PDE10A: variants seen among roughly 807,000 people sequenced by gnomAD.
PDE10A encodes phosphodiesterase 10A.
A neutral mutation model predicts 97.7 loss-of-function variants in PDE10A; 39 were observed. That is an observed-to-expected ratio of 0.40 (90% CI 0.31 to 0.52). The LOEUF is 0.52. Among genes scored for constraint, PDE10A ranks in the 20% least tolerant of loss-of-function variants. The probability of loss-of-function intolerance (pLI) is 0.56; values close to 1 mark genes in which losing one functional copy is unlikely to be tolerated. For synonymous variants in PDE10A, 371 were observed against 376.8 expected, an observed-to-expected ratio of 0.98 and a Z score of 0.18; for missense variants, 731 against 1,047.8, an observed-to-expected ratio of 0.70 and a Z score of 4.17.
At chr6:165,511,255 AT>A (rs1781490475) in intron 2 of PDE10A, among the ~76,000 whole-genome samples, 1 of 151,714 alleles carries the variant, frequency 6.6e-6, no homozygotes, top group Non-Finnish European at 1.5e-5. Context: ...AAATGTTTTG[AT>A]TTTCATATTA....
At chr6:165,478,409 G>A (rs1259161906) in intron 3 of PDE10A, among the ~76,000 whole-genome samples, 1 of 152,110 alleles carries the variant, frequency 6.6e-6, no homozygotes, top group East Asian at 1.9e-4. Context: ...TGATGGGGGG[G>A]AGGGGGTTGG....
chr6:165,650,434 T>A (rs1380066700), intron 1 of PDE10A, among the ~76,000 whole-genome samples: 3 of 152,136 alleles, frequency 2.0e-5, no homozygotes, highest in African/African-American at 7.2e-5. Context: ...TTCTTCCCAG[T>A]TTCTTTACGC....
chr6:165,369,674 A>G (rs1475375989), intron 18 of PDE10A, among the ~76,000 whole-genome samples: 1 of 140,230 alleles, frequency 7.1e-6, no homozygotes, highest in Non-Finnish European at 1.5e-5. Context: ...ATCCAGGAGA[A>G]CTTCCCCAAC....
At chr6:165,772,015 CTT>C (rs1326654469) in intron 1 of PDE10A, among the ~76,000 whole-genome samples, 1 of 152,206 alleles carries the variant, frequency 6.6e-6, no homozygotes, top group African/African-American at 2.4e-5. Context: ...GAAGGTCAGT[CTT>C]TTCACCGCCC....
At chr6:165,708,387 C>T (rs563051981) in intron 1 of PDE10A, among the ~76,000 whole-genome samples, 1 of 152,148 alleles carries the variant, frequency 6.6e-6, no homozygotes, top group Admixed American at 6.5e-5. Context: ...CCAGGAGGAC[C>T]CGTTCATGCA....
intron 1 of PDE10A, among the ~76,000 whole-genome samples, chr6:165,923,416 G>A (rs965896178): frequency 4.6e-5 from 7 of 152,204 alleles, no homozygotes; most frequent in Non-Finnish European, 7.3e-5. Context: ...CTACTAGAGA[G>A]ATACGTGTAC....
chr6:165,587,728 T>C (rs1419510367), intron 1 of PDE10A, among the ~76,000 whole-genome samples: 8 of 152,084 alleles, frequency 5.3e-5, no homozygotes, highest in Non-Finnish European at 2.9e-5. Context: ...TTTGGGAAAT[T>C]ACTGTTAAAA....
chr6:165,891,578 G>C (rs577040570), intron 1 of PDE10A, among the ~76,000 whole-genome samples: 1 of 152,052 alleles, frequency 6.6e-6, no homozygotes, highest in Non-Finnish European at 1.5e-5. Flanking sequence ...AGAGGATGCT[G>C]CCTGTCCCTG....
In PDE10A at chr6:165,601,202, A is replaced by T. The variant is rs1416634141; in HGVS notation, c.866-57634T>A. ...TTCCTTTTGCTGCCACCATGTAAGA[A>T]GTGTCTTTCACCTCCTGCCATGATT... On this transcript the variant is annotated intron_variant, in intron 1 of 21. Transcript: ENST00000539869. Among the ~76,000 whole-genome samples, 6 of 152,274 alleles carry T rather than the reference A, an allele frequency of 3.9e-5. No individual in the cohort carries two copies. The South Asian group carries it at 6.2e-4, about 16-fold the overall frequency.
intron 14 of PDE10A, 107 bp downstream of exon 14, chr6:165,396,210 G>A (rs750383619): frequency 1.8e-5 from 18 of 980,134 alleles, no homozygotes; most frequent in Non-Finnish European, 2.6e-5. Flanking sequence ...AACTCCACAT[G>A]TAATATGTGT....
At chr6:165,734,133 C>G (rs1792506351) in intron 1 of PDE10A, among the ~76,000 whole-genome samples, 1 of 152,224 alleles carries the variant, frequency 6.6e-6, no homozygotes, top group African/African-American at 2.4e-5. Context: ...AAAGGACCAT[C>G]TCTCCTCCTG....
At chr6:165,601,194 A>G (rs1165883874) in intron 1 of PDE10A, among the ~76,000 whole-genome samples, 1 of 152,162 alleles carries the variant, frequency 6.6e-6, no homozygotes, top group Non-Finnish European at 1.5e-5. Flanking sequence ...TGCTGCCACC[A>G]TGTAAGAAGT....
chr6:165,775,828 A>G (rs1778164134), intron 1 of PDE10A: 1 of 152,218 alleles, frequency 6.6e-6, no homozygotes, highest in Non-Finnish European at 1.5e-5. Flanking sequence ...AAAATACACA[A>G]TTAATTGATA....
chr6:165,568,185 G>C (rs1784881771), intron 1 of PDE10A, among the ~76,000 whole-genome samples: 3 of 151,900 alleles, frequency 2.0e-5, no homozygotes, highest in Admixed American at 2.0e-4. Flanking sequence ...ATTTTTAGTA[G>C]AGACGGGGTT....
At chr6:165,457,649 T>C (rs1382738096) in intron 3 of PDE10A, among the ~76,000 whole-genome samples, 1 of 152,212 alleles carries the variant, frequency 6.6e-6, no homozygotes, top group Admixed American at 6.5e-5. Flanking sequence ...TATCCTGAGT[T>C]ACTCTTGTAC....
intron 13 of PDE10A, among the ~76,000 whole-genome samples, chr6:165,401,497 A>G (rs892839829): frequency 1.3e-5 from 2 of 152,222 alleles, no homozygotes; most frequent in Admixed American, 6.5e-5. Flanking sequence ...AAGCATGTAT[A>G]CCTAATTTAT....
In PDE10A at chr6:165,662,262, C is replaced by A; in HGVS notation, c.550G>T (p.Gly184Cys). The change falls in exon 1 of 22, where the codon GGC becomes TGC. Residue 184 changes from glycine (G) to cysteine (C), a missense_variant. Coordinates refer to ENST00000539869, the MANE Select transcript of PDE10A (RefSeq NM_001385079.1). The part of the protein sequence containing the change: ...SVPTSSSHRG[G>C]GGSGGGRRRL... ...CGCCGCCCGCCGCCGCTGCCACCGC[C>A]GCCGCGGTGACTACTGCTGGTGGGG... The A allele has an allele frequency of 6.0e-6, 1 of 167,144 alleles. No individual in the cohort carries two copies. The highest frequency in any genetic ancestry group is 1.2e-5 in the Non-Finnish European group (1 of 81,636). The allele number at this position is 167,144 out of a possible 1,614,324, so 10.4% of individuals were successfully genotyped here. A position where few individuals can be genotyped will look rare whatever the true frequency, so the allele number is the denominator to read the frequency against.
chr6:165,769,732 A>C (rs1463512025), intron 1 of PDE10A, among the ~76,000 whole-genome samples: 1 of 152,242 alleles, frequency 6.6e-6, no homozygotes, highest in Admixed American at 6.5e-5. Context: ...TCTGACATCT[A>C]AACCAAAGTT....
chr6:165,624,468 G>A (rs548602963), intron 1 of PDE10A, among the ~76,000 whole-genome samples: 1 of 152,314 alleles, frequency 6.6e-6, no homozygotes, highest in African/African-American at 2.4e-5. Context: ...CGTCAGCTCT[G>A]ATTGTCTCTT....
Sources: allele counts gnomAD v4.1 joint callset (sites outside exome capture counted in the v4.1 genomes callset), GRCh38; gene constraint gnomAD v4.1.1; transcripts MANE v1.5; gene names NCBI Gene and HGNC (gene_info 2026-07-23, HGNC 2026-07-21).